HSPA9: variants seen among roughly 807,000 people sequenced by gnomAD.
HSPA9 encodes the protein stress-70 protein, mitochondrial.
In HSPA9, 28 loss-of-function variants were observed where a neutral mutation model predicts 81.5. That is an observed-to-expected ratio of 0.34 (90% CI 0.25 to 0.47). HSPA9 has a LOEUF of 0.47. Among genes scored for constraint, HSPA9 ranks in the 20% least tolerant of loss-of-function variants. The pLI, the probability that HSPA9 is intolerant of heterozygous loss-of-function variation, is 1.00. For synonymous variants in HSPA9, 293 were observed against 290.4 expected (o/e 1.01, Z -0.09); for missense variants, 678 against 838.0 (o/e 0.81, Z 2.36).
At chr5:138,562,795 A>G (rs1336427019) in intron 9 of HSPA9, among the ~76,000 whole-genome samples, 1 of 152,202 alleles carries the variant, frequency 6.6e-6, no homozygotes, top group Non-Finnish European at 1.5e-5. Flanking sequence ...TCTGAACCAA[A>G]TAACATGCCA....
In HSPA9 at chr5:138,559,977, T is replaced by G. The variant is rs1197264791; in HGVS notation, c.1297A>C (p.Thr433Pro). 2 of 1,614,134 alleles carry G rather than the reference T, an allele frequency of 1.2e-6. No individual in the cohort carries two copies. Among genetic ancestry groups the G allele is most frequent in the Non-Finnish European group, 1.7e-6 (2 of 1,180,014 alleles). The change falls in exon 11 of 17, where the codon ACG becomes CCG. Residue 433 changes from threonine to proline, a missense_variant. Physicochemically the swap from Thr to Pro is conservative, Grantham distance 38. Transcript: ENST00000297185. ...GTGACATCAAGGAGCAGCACATCCG[T>G]GACATCGCCGGCCAACACACCTCCC... Reference protein sequence around the residue: ...IQGGVLAGDVTDVLLLDVTPL... With the variant: ...IQGGVLAGDVPDVLLLDVTPL...
intron 9 of HSPA9, among the ~76,000 whole-genome samples, chr5:138,566,276 G>T (rs1325298220): frequency 6.7e-6 from 1 of 149,796 alleles, no homozygotes; most frequent in African/African-American, 2.5e-5. Context: ...AGTTAAGACA[G>T]CAGTTTTTCC....
Position 138,557,299 on chromosome 5 carries a change from A to G in HSPA9, c.1728+103T>C, listed in dbSNP as rs1036106917. 16 of 817,282 alleles carry G rather than the reference A, an allele frequency of 2.0e-5. No individual in the cohort carries two copies. The East Asian group carries it at 3.7e-4, about 19-fold the overall frequency. 50.6% of individuals were successfully genotyped at this position (817,282 alleles called of 1,614,324 possible). A position where few individuals can be genotyped will look rare whatever the true frequency, so the allele number is the denominator to read the frequency against. ...CTGCCCACCTTGGCAGTGGGCTTAC[A>G]GTGCTGGGATTACAGGAGTGAGACA... On this transcript the variant is annotated intron_variant, in intron 14 of 16. Transcript: ENST00000297185.
At position 138,555,820 on chromosome 5, in the gene HSPA9, T is replaced by G. The variant is rs891653001; in HGVS notation, c.*217A>C. 4 of 587,694 alleles carry G rather than the reference T, an allele frequency of 6.8e-6. No individual in the cohort carries two copies. Among genetic ancestry groups the G allele is most frequent in the Non-Finnish European group, 1.2e-5 (4 of 331,720 alleles). 36.4% of individuals were successfully genotyped at this position (587,694 alleles called of 1,614,324 possible). ...TACATGCAGCTGAAAAATGACAGGCTAGGGACATAGAATATTGTGAACTTT... is the reference window on the plus strand; with the variant it reads ...TACATGCAGCTGAAAAATGACAGGCGAGGGACATAGAATATTGTGAACTTT... On this transcript the variant is annotated 3_prime_UTR_variant, in exon 17 of 17. Transcript: ENST00000297185.
intron 14 of HSPA9, 92 bp from the exon 15 acceptor site, chr5:138,556,958 C>G: frequency 2.3e-6 from 2 of 877,922 alleles, no homozygotes; most frequent in East Asian, 2.4e-5. Context: ...GTGTTACATA[C>G]AGTTACAGAT....
chr5:138,563,660 AT>A (rs1750703523), intron 9 of HSPA9, among the ~76,000 whole-genome samples: 1 of 152,188 alleles, frequency 6.6e-6, no homozygotes, highest in Admixed American at 6.5e-5. Flanking sequence ...GTATTCACTT[AT>A]CTAGGGAGAG....
intron 9 of HSPA9, among the ~76,000 whole-genome samples, chr5:138,566,046 G>A (rs1750752492): frequency 6.6e-6 from 1 of 152,032 alleles, no homozygotes; most frequent in South Asian, 2.1e-4. Context: ...AATTAGCCAG[G>A]CATGGTGGTG....
intron 3 of HSPA9, 142 bp downstream of exon 3, chr5:138,573,621 T>C: frequency 1.7e-6 from 1 of 595,996 alleles, no homozygotes; most frequent in Non-Finnish European, 2.8e-6. Context: ...CACTCCACCA[T>C]GGGCTATAGA....
At chr5:138,560,508 G>A (rs1430349358) in intron 10 of HSPA9, among the ~76,000 whole-genome samples, 1 of 151,556 alleles carries the variant, frequency 6.6e-6, no homozygotes, top group Non-Finnish European at 1.5e-5. Flanking sequence ...GTCTTCCCTT[G>A]TGTTTATTAG....
chr5:138,565,728 T>C (rs2127157692), intron 9 of HSPA9, among the ~76,000 whole-genome samples: 1 of 152,272 alleles, frequency 6.6e-6, no homozygotes, highest in East Asian at 1.9e-4. Flanking sequence ...TTATTGTCAT[T>C]TTTTGACACA....
At chr5:138,557,150 C>T in intron 14 of HSPA9, 1 of 603,616 alleles carries the variant, frequency 1.7e-6, no homozygotes, top group South Asian at 2.0e-5. Flanking sequence ...CTTAGGTTTT[C>T]TCTTACCCAC....
At chr5:138,562,361 A>G (rs146432024) in intron 9 of HSPA9, among the ~76,000 whole-genome samples, 3 of 150,782 alleles carry the variant, frequency 2.0e-5, no homozygotes, top group Admixed American at 2.0e-4. Flanking sequence ...CATCCTGGCT[A>G]ACATGGTGAA....
intron 10 of HSPA9, chr5:138,561,171 G>T: frequency 2.3e-6 from 1 of 429,110 alleles, no homozygotes; most frequent in East Asian, 6.7e-5. Flanking sequence ...TGGTGGCCGG[G>T]GGCGGGGTAT....
chr5:138,556,242 C>A, intron 16 of HSPA9, 128 bp from the exon 17 acceptor site: 1 of 1,024,124 alleles, frequency 9.8e-7, no homozygotes, highest in East Asian at 2.4e-5. Context: ...TCCCCCTCCC[C>A]ACTTTCTACC....
chr5:138,574,970 A>C, intron 1 of HSPA9: 1 of 570,486 alleles, frequency 1.8e-6, no homozygotes, highest in Non-Finnish European at 3.1e-6. Flanking sequence ...ATTCAGCCAC[A>C]GAACAGGCCA....
chr5:138,567,578 G>T lies in HSPA9; in HGVS notation c.610-17C>A, dbSNP rs577655088. The T allele has an allele frequency of 1.2e-6, 2 of 1,611,780 alleles. No individual in the cohort carries two copies. The highest frequency in any genetic ancestry group is 1.7e-6 in the Non-Finnish European group (2 of 1,177,918). ...TTTAGTGGCCTAGAGAAAACAAAGA[G>T]AAAAACATTTTTGTACCCTTCCATC... On this transcript the variant is annotated splice_polypyrimidine_tract_variant and intron_variant, in intron 6 of 16. Transcript: ENST00000297185.
intron 4 of HSPA9, among the ~76,000 whole-genome samples, chr5:138,570,398 A>C (rs959746900): frequency 6.6e-6 from 1 of 152,174 alleles, no homozygotes; most frequent in East Asian, 1.9e-4. Context: ...TGCCTTATGT[A>C]TTCAACACTG....
chr5:138,558,997 T>C (rs575419721), intron 11 of HSPA9: 2 of 288,156 alleles, frequency 6.9e-6, no homozygotes, highest in East Asian at 7.6e-5. Context: ...AGTCACCACA[T>C]ACTTTTCTTC....
chr5:138,564,244 C>T (rs1159045765), intron 9 of HSPA9, among the ~76,000 whole-genome samples: 1 of 152,220 alleles, frequency 6.6e-6, no homozygotes, highest in Non-Finnish European at 1.5e-5. Context: ...GCTGGGATTA[C>T]AGGCACCTGC....
Sources: allele counts gnomAD v4.1 joint callset (sites outside exome capture counted in the v4.1 genomes callset), GRCh38; gene constraint gnomAD v4.1.1; transcripts MANE v1.5; gene names NCBI Gene and HGNC (gene_info 2026-07-23, HGNC 2026-07-21).